PEBP4: variants seen among roughly 807,000 people sequenced by gnomAD.
The protein encoded by PEBP4 is phosphatidylethanolamine-binding protein 4.
PEBP4 carries 22 observed loss-of-function variants against 23.9 expected under a neutral mutation model. That is an observed-to-expected ratio of 0.92 (90% CI 0.66 to 1.31). PEBP4 has a LOEUF of 1.31. PEBP4 is among the 40% of genes most tolerant of loss of function. The pLI, the probability that PEBP4 is intolerant of heterozygous loss-of-function variation, is 0.00. For synonymous variants in PEBP4, 112 were observed against 99.3 expected (o/e 1.13, Z -0.76); for missense variants, 324 against 281.7 (o/e 1.15, Z -1.07).
At chr8:22,875,759 C>T (rs1232340361) in intron 3 of PEBP4, among the ~76,000 whole-genome samples, 7 of 152,024 alleles carry the variant, frequency 4.6e-5, no homozygotes, top group Admixed American at 1.3e-4. Flanking sequence ...GTCACCCACC[C>T]GCACTGTCCA....
intron 3 of PEBP4, among the ~76,000 whole-genome samples, chr8:22,835,022 C>T (rs1225984543): frequency 6.6e-6 from 1 of 152,188 alleles, no homozygotes; most frequent in Non-Finnish European, 1.5e-5. Context: ...TCACTTCTGA[C>T]AAGTGGGTGC....
intron 4 of PEBP4, among the ~76,000 whole-genome samples, chr8:22,731,567 A>G (rs1804731877): frequency 6.6e-6 from 1 of 151,950 alleles, no homozygotes; most frequent in African/African-American, 2.4e-5. Context: ...CCAAAGTTGT[A>G]GTTGGATTTT....
Position 22,909,732 on chromosome 8 carries a change from T to C in PEBP4, c.258+10452A>G, listed in dbSNP as rs938559641. 4.6e-5 allele frequency among the ~76,000 whole-genome samples: 7 copies of C among 152,346 alleles called. No homozygotes were observed. The South Asian group carries it at 1.0e-3, about 23-fold the overall frequency. ...CAGACCTGGGTTCAAATCCTGACTC[T>C]GTTGCTCATGAGCAGTGGGAATCTT... is the stretch of plus-strand genomic sequence containing the variant. On this transcript the variant is annotated intron_variant, in intron 3 of 6. Transcript: ENST00000256404.
chr8:22,730,154 A>G (rs1193366663), intron 4 of PEBP4, among the ~76,000 whole-genome samples: 1 of 152,198 alleles, frequency 6.6e-6, no homozygotes, highest in East Asian at 1.9e-4. Context: ...TTTTCCAAAG[A>G]CCATGATTAA....
chr8:22,907,989 G>A (rs1808850382), intron 3 of PEBP4, among the ~76,000 whole-genome samples: 1 of 150,666 alleles, frequency 6.6e-6, no homozygotes, highest in African/African-American at 2.5e-5. Flanking sequence ...CTCCTGCATG[G>A]GTGACAGAGT....
intron 4 of PEBP4, among the ~76,000 whole-genome samples, chr8:22,754,309 G>A (rs55994831): frequency 0.13 from 20,377 of 152,144 alleles, 1,554 homozygotes; most frequent in Admixed American, 0.2. Flanking sequence ...ACTGGACTGC[G>A]GGTGTATTAA....
chr8:22,768,516 G>A (rs1354441968), intron 4 of PEBP4, among the ~76,000 whole-genome samples: 1 of 152,216 alleles, frequency 6.6e-6, no homozygotes, highest in Non-Finnish European at 1.5e-5. Flanking sequence ...CGGTGCTGAG[G>A]TGACAGTTCC....
intron 4 of PEBP4, among the ~76,000 whole-genome samples, chr8:22,810,666 A>AT: frequency 1.0e-5 from 1 of 96,158 alleles, no homozygotes; most frequent in East Asian, 2.9e-4. Context: ...TGTCTCATGG[A>AT]GGGGTGTGTG....
chr8:22,779,507 G>A (rs1248078997), intron 4 of PEBP4, among the ~76,000 whole-genome samples: 4 of 152,076 alleles, frequency 2.6e-5, no homozygotes, highest in Non-Finnish European at 2.9e-5. Flanking sequence ...GGTCACAAAT[G>A]TCCCCACCCA....
At chr8:22,861,493 G>A (rs1398085361) in intron 3 of PEBP4, among the ~76,000 whole-genome samples, 1 of 152,232 alleles carries the variant, frequency 6.6e-6, no homozygotes, top group Non-Finnish European at 1.5e-5. Context: ...AGGAAATTAA[G>A]TCATACGGCC....
chr8:22,868,728 C>T (rs75192132), intron 3 of PEBP4, among the ~76,000 whole-genome samples: 2,196 of 152,238 alleles, frequency 0.014, 29 homozygotes, highest in South Asian at 0.062. Context: ...ACCCCCATAT[C>T]GAATCTAGCA....
At chr8:22,926,124 C>T (rs1037847036) in intron 2 of PEBP4, among the ~76,000 whole-genome samples, 15 of 151,864 alleles carry the variant, frequency 9.9e-5, no homozygotes, top group African/African-American at 3.4e-4. Context: ...TACAGGTGTG[C>T]GCCACCATGC....
chr8:22,832,410 G>A (rs558261604), intron 3 of PEBP4, among the ~76,000 whole-genome samples: 1 of 152,298 alleles, frequency 6.6e-6, no homozygotes, highest in Admixed American at 6.5e-5. Context: ...CAGCAAGCAG[G>A]CCCTTGTCAG....
At chr8:22,841,296 G>A (rs1161069142) in intron 3 of PEBP4, among the ~76,000 whole-genome samples, 1 of 152,272 alleles carries the variant, frequency 6.6e-6, no homozygotes, top group African/African-American at 2.4e-5. Flanking sequence ...TTTCTGTAAA[G>A]TACAATCATT....
intron 4 of PEBP4, among the ~76,000 whole-genome samples, chr8:22,755,508 G>T (rs1167920054): frequency 2.6e-5 from 4 of 151,810 alleles, no homozygotes; most frequent in Non-Finnish European, 5.9e-5. Flanking sequence ...GCTAATTTTT[G>T]TATTTTTAGT....
chr8:22,867,065 C>CA (rs540654669), intron 3 of PEBP4, among the ~76,000 whole-genome samples: 80 of 152,254 alleles, frequency 5.3e-4, no homozygotes, highest in African/African-American at 1.8e-3. Flanking sequence ...GATGAGGCCT[C>CA]AAATCACATT....
chr8:22,727,143 C>T, intron 5 of PEBP4, 32 bp downstream of exon 5: 5 of 1,612,600 alleles, frequency 3.1e-6, no homozygotes, highest in Non-Finnish European at 4.2e-6. Context: ...GATGCCCTGG[C>T]TGGGGGAAGG....
intron 3 of PEBP4, among the ~76,000 whole-genome samples, chr8:22,855,653 C>T (rs932069096): frequency 1.3e-5 from 2 of 152,044 alleles, no homozygotes; most frequent in Non-Finnish European, 2.9e-5. Flanking sequence ...GGAAGACCTT[C>T]CCAATGATGA....
At chr8:22,864,170 A>G (rs1359297950) in intron 3 of PEBP4, among the ~76,000 whole-genome samples, 1 of 152,196 alleles carries the variant, frequency 6.6e-6, no homozygotes, top group Admixed American at 6.5e-5. Context: ...TGCCTTTTGC[A>G]TGATTAATTC....
Sources: allele counts gnomAD v4.1 joint callset (sites outside exome capture counted in the v4.1 genomes callset), GRCh38; gene constraint gnomAD v4.1.1; transcripts MANE v1.5; gene names NCBI Gene and HGNC (gene_info 2026-07-23, HGNC 2026-07-21).